The following CADPS2 variants were observed in gnomAD, a reference collection of about 807,000 sequenced individuals.
CADPS2 encodes calcium dependent secretion activator 2, also known as calcium-dependent secretion activator 2.
A neutral mutation model predicts 172.5 loss-of-function variants in CADPS2; 93 were observed. That is an observed-to-expected ratio of 0.54 (90% CI 0.46 to 0.64). The LOEUF is 0.64. CADPS2 is among the 30% of genes least tolerant of loss of function. The probability of loss-of-function intolerance (pLI) is 0.00; values close to 1 mark genes in which losing one functional copy is unlikely to be tolerated. For synonymous variants in CADPS2, 546 were observed against 555.2 expected, an observed-to-expected ratio of 0.98 and a Z score of 0.23; for missense variants, 1,420 against 1,565.9, an observed-to-expected ratio of 0.91 and a Z score of 1.57.
chr7:122,508,449 G>GTTTTT (rs1205155217), intron 9 of CADPS2, among the ~76,000 whole-genome samples: 26 of 68,434 alleles, frequency 3.8e-4, no homozygotes, highest in South Asian at 5.1e-4. Context: ...ATTCATTTAA[G>GTTTTT]TTTTTTTTTT....
At chr7:122,687,443 A>G (rs879749782) in intron 2 of CADPS2, among the ~76,000 whole-genome samples, 2 of 152,220 alleles carry the variant, frequency 1.3e-5, no homozygotes, top group Non-Finnish European at 2.9e-5. Context: ...GGTTAAGACC[A>G]TGAGCTGTGG....
At chr7:122,720,681 T>C (rs1452286084) in intron 2 of CADPS2, among the ~76,000 whole-genome samples, 1 of 151,836 alleles carries the variant, frequency 6.6e-6, no homozygotes. Context: ...CTTTGGGATC[T>C]TTTAATATAC....
chr7:122,415,044 G>T (rs1434712315), intron 18 of CADPS2, among the ~76,000 whole-genome samples: 1 of 152,162 alleles, frequency 6.6e-6, no homozygotes, highest in Admixed American at 6.5e-5. Flanking sequence ...ATTAGAAAGA[G>T]TGAGAATTTT....
At chr7:122,872,418 G>A (rs1819997968) in intron 1 of CADPS2, among the ~76,000 whole-genome samples, 1 of 151,978 alleles carries the variant, frequency 6.6e-6, no homozygotes, top group South Asian at 2.1e-4. Context: ...TTATACAAAA[G>A]CTTATAATAT....
intron 2 of CADPS2, among the ~76,000 whole-genome samples, chr7:122,693,894 G>A (rs892264478): frequency 6.6e-6 from 1 of 152,212 alleles, no homozygotes; most frequent in African/African-American, 2.4e-5. Flanking sequence ...AACTTAGAAG[G>A]AGGAGTTTGC....
chr7:122,678,342 T>C (rs1215199365), intron 2 of CADPS2, among the ~76,000 whole-genome samples: 1 of 152,226 alleles, frequency 6.6e-6, no homozygotes, highest in East Asian at 1.9e-4. Flanking sequence ...CAATGGATTC[T>C]TCCCACACAG....
chr7:122,653,177 A>G (rs2135049555), intron 3 of CADPS2, among the ~76,000 whole-genome samples: 1 of 152,314 alleles, frequency 6.6e-6, no homozygotes, highest in Middle Eastern at 3.4e-3. Flanking sequence ...TCACCAGAAC[A>G]GCCCTCGATC....
intron 25 of CADPS2, among the ~76,000 whole-genome samples, chr7:122,376,387 A>G (rs560381090): frequency 6.6e-6 from 1 of 152,288 alleles, no homozygotes; most frequent in Admixed American, 6.5e-5. Context: ...ATGAAATATT[A>G]TTCAGCCTCA....
chr7:122,491,339 T>C lies in CADPS2; in HGVS notation c.1624A>G (p.Thr542Ala). The C allele has an allele frequency of 6.2e-7, 1 of 1,611,098 alleles. No homozygotes were observed. The highest frequency in any genetic ancestry group is 8.5e-7 in the Non-Finnish European group (1 of 1,178,354). ...PQELMQLEGYTVDYTDPHPGL... is the reference protein window; with the variant it reads ...PQELMQLEGYAVDYTDPHPGL... Reference sequence around the variant, plus strand: ...GGGTGGGGATCGGTATAATCCACAGTATAGCCTTCAAGCTGCATTAATTCT... The same window carrying C: ...GGGTGGGGATCGGTATAATCCACAGCATAGCCTTCAAGCTGCATTAATTCT... The change falls in exon 10 of 30, where the codon ACT (threonine) becomes GCT (alanine). Residue 542 changes from threonine to alanine, a missense_variant. Physicochemically the swap from Thr to Ala is moderately conservative, Grantham distance 58 (BLOSUM62 0). Coordinates refer to ENST00000449022, the MANE Select transcript of CADPS2 (RefSeq NM_017954.11).
At chr7:122,350,042 T>C (rs1471487981) in intron 27 of CADPS2, among the ~76,000 whole-genome samples, 1 of 152,218 alleles carries the variant, frequency 6.6e-6, no homozygotes, top group Non-Finnish European at 1.5e-5. Context: ...TACAGTGTAA[T>C]TGACTTAATT....
intron 8 of CADPS2, among the ~76,000 whole-genome samples, chr7:122,551,832 T>C (rs1342777572): frequency 6.6e-6 from 1 of 152,204 alleles, no homozygotes; most frequent in African/African-American, 2.4e-5. Flanking sequence ...ATTAATCTAC[T>C]ATTCCTGTTA....
At chr7:122,339,352 T>C (rs1183932542) in intron 28 of CADPS2, among the ~76,000 whole-genome samples, 1 of 152,184 alleles carries the variant, frequency 6.6e-6, no homozygotes, top group Non-Finnish European at 1.5e-5. Flanking sequence ...ACCAAGTGTA[T>C]TGTGAAAGTT....
chr7:122,408,180 ATT>A (rs35514146), intron 19 of CADPS2, among the ~76,000 whole-genome samples: 2 of 141,418 alleles, frequency 1.4e-5, no homozygotes, highest in African/African-American at 5.1e-5. Context: ...ATATACTGTT[ATT>A]TTTTTTTTTT....
chr7:122,635,592 T>A (rs2076993479), intron 3 of CADPS2, among the ~76,000 whole-genome samples: 2 of 152,150 alleles, frequency 1.3e-5, no homozygotes, highest in Non-Finnish European at 2.9e-5. Context: ...ATCTATGTCC[T>A]TACAAAGGAC....
intron 1 of CADPS2, among the ~76,000 whole-genome samples, chr7:122,825,193 G>A (rs1804526077): frequency 6.6e-6 from 1 of 152,164 alleles, no homozygotes; most frequent in South Asian, 2.1e-4. Context: ...AAAAATTGTG[G>A]CAAAGTTACA....
At chr7:122,390,118 C>T (rs1448778054) in intron 22 of CADPS2, among the ~76,000 whole-genome samples, 4 of 151,888 alleles carry the variant, frequency 2.6e-5, no homozygotes, top group Non-Finnish European at 5.9e-5. Flanking sequence ...CCAAAATGCC[C>T]TCAGACTTAA....
chr7:122,393,147 G>T, intron 22 of CADPS2, 49 bp downstream of exon 22: 1 of 1,601,682 alleles, frequency 6.2e-7, no homozygotes, highest in Non-Finnish European at 8.5e-7. Context: ...CACAGCCCAG[G>T]CCATGCACCA....
At chr7:122,513,189 T>C in intron 9 of CADPS2, 60 bp downstream of exon 9, 2 of 1,182,640 alleles carry the variant, frequency 1.7e-6, no homozygotes. Context: ...ATAACCCACA[T>C]AAACAAATTT....
intron 1 of CADPS2, among the ~76,000 whole-genome samples, chr7:122,829,275 T>G (rs1805807915): frequency 6.6e-6 from 1 of 152,100 alleles, no homozygotes; most frequent in Admixed American, 6.5e-5. Context: ...TATATAAAAT[T>G]TATACTACTG....
Sources: allele counts gnomAD v4.1 joint callset (sites outside exome capture counted in the v4.1 genomes callset), GRCh38; gene constraint gnomAD v4.1.1; transcripts MANE v1.5; gene names NCBI Gene and HGNC (gene_info 2026-07-23, HGNC 2026-07-21).